The following SLC51A variants were observed in gnomAD, a reference collection of about 807,000 sequenced individuals.
SLC51A encodes the protein organic solute transporter subunit alpha.
SLC51A carries 22 observed loss-of-function variants against 34.8 expected under a neutral mutation model. The ratio of observed to expected loss-of-function variants is 0.63; its 90% CI spans 0.45 to 0.90. The LOEUF is 0.90. SLC51A is among the 40% of genes least tolerant of loss of function. The probability of loss-of-function intolerance (pLI) is 0.00; values close to 1 mark genes in which losing one functional copy is unlikely to be tolerated. For synonymous variants in SLC51A, 181 were observed against 176.3 expected (o/e 1.03, Z -0.21); for missense variants, 371 against 414.8 (o/e 0.89, Z 0.92).
intron 8 of SLC51A, 120 bp downstream of exon 8, chr3:196,232,644 G>A: frequency 2.7e-6 from 2 of 729,046 alleles, no homozygotes; most frequent in African/African-American, 1.8e-5. Flanking sequence ...GTTCAGAAGG[G>A]ATCTTCGGGA....
rs754439479 is a variant in SLC51A at position 196,216,679 on chromosome 3, C to T, written c.-34C>T. 9 of 1,551,796 alleles carry T rather than the reference C, an allele frequency of 5.8e-6. No homozygotes were observed. Among genetic ancestry groups the T allele is most frequent in the South Asian group, 3.6e-5 (3 of 84,232 alleles). On this transcript the variant is annotated 5_prime_UTR_variant, in exon 1 of 9. Transcript: ENST00000296327. This position sits in a 1 kb window ranked among gnomAD's most constrained non-coding sequence, Gnocchi z 4.5. ...CCGCCCCGCCTGCCCTTCCTCACCCCGGTGCCTGCGGGATTGCTGGAGAGA... is the reference window on the plus strand; with the variant it reads ...CCGCCCCGCCTGCCCTTCCTCACCCTGGTGCCTGCGGGATTGCTGGAGAGA...
chr3:196,225,434 G>A lies in SLC51A; in HGVS notation c.134-1531G>A, dbSNP rs74350809. 9.1e-3 allele frequency among the ~76,000 whole-genome samples: 1,386 copies of A among 152,210 alleles called. 19 individuals are homozygous for A. The highest frequency in any genetic ancestry group is 0.03 in the African/African-American group (1,251 of 41,498). On this transcript the variant is annotated intron_variant, in intron 2 of 8. Transcript: ENST00000296327. ...GCAGTCATATTGCTCCCACTGAGCT[G>A]CCCTCATGTTCCTTAGTCACCAAAA...
At chr3:196,227,995 T>C (rs1047849696) in intron 4 of SLC51A, 120 bp from the exon 5 acceptor site, 39 of 1,368,494 alleles carry the variant, frequency 2.8e-5, no homozygotes, top group Middle Eastern at 3.7e-4. Flanking sequence ...CCCTCGCCCC[T>C]CTTGGGTCAC....
chr3:196,230,212 T>G (rs1383834642), intron 7 of SLC51A, 151 bp downstream of exon 7: 1 of 784,664 alleles, frequency 1.3e-6, no homozygotes, highest in African/African-American at 1.8e-5. Flanking sequence ...ATTCCTGTGC[T>G]TCCCGCTTTT....
chr3:196,228,884 G>A lies in SLC51A; in HGVS notation c.597G>A (p.Leu199=). ...FLKITLTLVG[L]FLVPDGIYDP... Reference sequence around the variant, plus strand: ...AGATAACGCTGACCCTGGTGGGCCTGTTTCTCGTCCCCGACGGCATCTATG... The same window carrying A: ...AGATAACGCTGACCCTGGTGGGCCTATTTCTCGTCCCCGACGGCATCTATG... Residue 199 remains leucine, a synonymous_variant, in exon 6 of 9, where the codon CTG becomes CTA. Coordinates refer to ENST00000296327, the MANE Select transcript of SLC51A (RefSeq NM_152672.6). This position sits in a 1 kb window ranked among gnomAD's most constrained non-coding sequence, Gnocchi z 4.9. 1.2e-6 allele frequency: 2 copies of A among 1,614,158 alleles called. No individual in the cohort carries two copies. Among genetic ancestry groups the A allele is most frequent in the Non-Finnish European group, 1.7e-6 (2 of 1,180,032 alleles).
chr3:196,225,337 G>C (rs1251286930), intron 2 of SLC51A, among the ~76,000 whole-genome samples: 1 of 152,088 alleles, frequency 6.6e-6, no homozygotes, highest in Admixed American at 6.5e-5. Context: ...GTGCCACCAG[G>C]TGCGACTGAC....
Position 196,228,041 on chromosome 3 carries a change from G to A in SLC51A, c.363-74G>A. 1 of 1,559,730 alleles carries A rather than the reference G, an allele frequency of 6.4e-7. No homozygotes were observed. The highest frequency in any genetic ancestry group is 8.7e-7 in the Non-Finnish European group (1 of 1,149,174). ...CGCCCAGCCCTAGCTCTGCTCCTCAGTAAGCCCCACCTCTCCCTGCTGTCT... is the reference window on the plus strand; with the variant it reads ...CGCCCAGCCCTAGCTCTGCTCCTCAATAAGCCCCACCTCTCCCTGCTGTCT... On this transcript the variant is annotated intron_variant, in intron 4 of 8. Transcript: ENST00000296327. This position sits in a 1 kb window ranked among gnomAD's most constrained non-coding sequence, Gnocchi z 4.9.
chr3:196,230,140 G>C, intron 7 of SLC51A, 79 bp downstream of exon 7: 1 of 1,312,056 alleles, frequency 7.6e-7, no homozygotes, highest in Non-Finnish European at 1.0e-6. Flanking sequence ...GGCCAATAAA[G>C]GCTAAAGTGG....
At position 196,226,892 on chromosome 3, in the gene SLC51A, C is replaced by T. The variant is rs762770056; in HGVS notation, c.134-73C>T. The stretch of plus-strand genomic sequence containing the variant: ...GAGCCTAGATCCAGTAAGGCAATTT[C>T]GATCCGAGGAACAAGCCCAGGCCTT... On this transcript the variant is annotated intron_variant, in intron 2 of 8. Transcript: ENST00000296327. 4.3e-5 allele frequency: 63 copies of T among 1,478,920 alleles called. No homozygotes were observed. In the Middle Eastern group the frequency reaches 9.2e-4, roughly 22 times the overall value. The allele number at this position is 1,478,920 out of a possible 1,614,324, so 91.6% of individuals were successfully genotyped here. A position where few individuals can be genotyped will look rare whatever the true frequency, so the allele number is the denominator to read the frequency against.
At chr3:196,227,850 G>A (rs1723935797) in intron 4 of SLC51A, 113 bp downstream of exon 4, 5 of 1,114,732 alleles carry the variant, frequency 4.5e-6, no homozygotes, top group South Asian at 1.5e-5. Flanking sequence ...CCCAGCTTGT[G>A]CTAGTTCCGG....
Position 196,227,293 on chromosome 3 carries a change from G to T in SLC51A, c.288+174G>T, listed in dbSNP as rs1324119018. 7 of 664,372 alleles carry T rather than the reference G, an allele frequency of 1.1e-5. No homozygotes were observed. The East Asian group carries it at 1.7e-4, about 16-fold the overall frequency. 41.2% of individuals were successfully genotyped at this position (664,372 alleles called of 1,614,324 possible). ...GCAGTTAGGATCCTCTGCTTGGAAG[G>T]CTGTGCAGTGTTTGCATTCTAAGGG... is the stretch of plus-strand genomic sequence containing the variant. On this transcript the variant is annotated intron_variant, in intron 3 of 8. Coordinates refer to ENST00000296327, the MANE Select transcript of SLC51A (RefSeq NM_152672.6).
chr3:196,229,360 CAT>C (rs1723974271), intron 6 of SLC51A, among the ~76,000 whole-genome samples: 1 of 149,344 alleles, frequency 6.7e-6, no homozygotes, highest in African/African-American at 2.5e-5. Context: ...GCTTGGGCAA[CAT>C]AGTGAGATAC....
chr3:196,221,273 G>GA (rs545713383), intron 2 of SLC51A, among the ~76,000 whole-genome samples: 4 of 150,760 alleles, frequency 2.7e-5, no homozygotes, highest in Admixed American at 6.6e-5. Context: ...AAGAGAGAGA[G>GA]AAAAAAAAGC....
At chr3:196,222,360 C>G (rs1723780585) in intron 2 of SLC51A, among the ~76,000 whole-genome samples, 1 of 152,126 alleles carries the variant, frequency 6.6e-6, no homozygotes, top group Non-Finnish European at 1.5e-5. Flanking sequence ...TGTGACCAGG[C>G]ACGGTGGCTC....
At position 196,221,311 on chromosome 3, in the gene SLC51A, AT is replaced by A. The variant is rs79735063; in HGVS notation, c.133+3387del. On this transcript the variant is annotated intron_variant, in intron 2 of 8. Transcript: ENST00000296327. ...TTATTCTAGAAGAATGATTGAATCA[AT>A]TTTTTTTTTTTAATTTTAAAATCAC... 1.1e-3 allele frequency among the ~76,000 whole-genome samples: 164 copies of A among 146,512 alleles called. 1 individual carries two copies. Among genetic ancestry groups the A allele is most frequent in the African/African-American group, 2.7e-3 (110 of 40,152 alleles).
chr3:196,226,065 C>T (rs1213805298), intron 2 of SLC51A, among the ~76,000 whole-genome samples: 2 of 152,122 alleles, frequency 1.3e-5, no homozygotes, highest in African/African-American at 2.4e-5. Flanking sequence ...GTCTGTAATC[C>T]CAGCACTTTG....
intron 7 of SLC51A, 47 bp from the exon 8 acceptor site, chr3:196,232,371 CG>C: frequency 6.7e-7 from 1 of 1,489,376 alleles, no homozygotes; most frequent in Admixed American, 1.7e-5. Flanking sequence ...CGTTCTGTGC[CG>C]TGAGGGCAGG....
intron 2 of SLC51A, among the ~76,000 whole-genome samples, chr3:196,222,258 A>G (rs979035748): frequency 6.6e-6 from 1 of 152,350 alleles, no homozygotes; most frequent in East Asian, 1.9e-4. Flanking sequence ...TTATATTCAA[A>G]ATGGTCAACT....
At chr3:196,217,690 G>A in intron 1 of SLC51A, 152 bp from the exon 2 acceptor site, 1 of 563,144 alleles carries the variant, frequency 1.8e-6, no homozygotes, top group South Asian at 2.3e-5. Context: ...AGAGTGAAAG[G>A]AAGGAAGGAA....
Sources: gnomAD v4.1 joint callset for allele counts (sites outside exome capture counted in the v4.1 genomes callset) on GRCh38, gnomAD v4.1.1 for gene constraint, Gnocchi (gnomAD v3.1) non-coding constraint, MANE v1.5 for transcripts, NCBI Gene and HGNC (gene_info 2026-07-23, HGNC 2026-07-21) for gene names.